The following CNTNAP5 variants were observed in gnomAD, a reference collection of about 807,000 sequenced individuals.
CNTNAP5 encodes contactin associated protein family member 5, also known as contactin-associated protein-like 5.
In CNTNAP5, 72 loss-of-function variants were observed where a neutral mutation model predicts 150.2. That is an observed-to-expected ratio of 0.48 (90% confidence interval 0.40 to 0.58). CNTNAP5 has a LOEUF of 0.58. Among genes scored for constraint, CNTNAP5 ranks in the 20% least tolerant of loss-of-function variants. CNTNAP5 has a pLI of 0.00. For missense variants in CNTNAP5, 1,636 were observed against 1,626.2 expected (o/e 1.01, Z -0.10); for synonymous variants, 672 against 619.8 (o/e 1.08, Z -1.25).
Position 124,534,741 on chromosome 2 carries a change from A to G in CNTNAP5, c.1649+7285A>G, listed in dbSNP as rs576115061. Among the ~76,000 whole-genome samples the G allele has an allele frequency of 1.3e-3, 200 of 152,256 alleles. 1 individual carries two copies. Among genetic ancestry groups the G allele is most frequent in the African/African-American group, 4.6e-3 (190 of 41,558 alleles). On this transcript the variant is annotated intron_variant, in intron 10 of 23. Transcript: ENST00000682447. The stretch of plus-strand genomic sequence containing the variant: ...ACAAAAAAAACAAAAAATGTAATGA[A>G]CAATGAGGATGAGCAGAGATCACTT...
Position 124,817,237 on chromosome 2 carries a change from T to C in CNTNAP5, c.3217+18917T>C, listed in dbSNP as rs547532548. Among the ~76,000 whole-genome samples the C allele has an allele frequency of 6.7e-4, 102 of 152,310 alleles. 2 individuals are homozygous for C. Among genetic ancestry groups the C allele is most frequent in the Admixed American group, 5.9e-3 (90 of 15,282 alleles). ...AAATTAATCTGTGCTCTTAGAATAA[T>C]GTTAACTTTGGAGGTAGGGAGAATG... is the stretch of plus-strand genomic sequence containing the variant. On this transcript the variant is annotated intron_variant, in intron 19 of 23. Transcript: ENST00000682447.
At chr2:124,399,090 C>T (rs1691339029) in intron 3 of CNTNAP5, among the ~76,000 whole-genome samples, 1 of 152,076 alleles carries the variant, frequency 6.6e-6, no homozygotes, top group Admixed American at 6.6e-5. Flanking sequence ...CTTCTTTATT[C>T]CATTATTCTT....
At chr2:124,451,094 A>ACT (rs1692969549) in intron 6 of CNTNAP5, among the ~76,000 whole-genome samples, 1 of 141,604 alleles carries the variant, frequency 7.1e-6, no homozygotes, top group Admixed American at 7.2e-5. Context: ...ACACACACAC[A>ACT]CACATAATGT....
intron 3 of CNTNAP5, among the ~76,000 whole-genome samples, chr2:124,292,839 A>G (rs758148249): frequency 1.2e-4 from 18 of 152,114 alleles, no homozygotes; most frequent in Non-Finnish European, 2.2e-4. Flanking sequence ...CGTGGTCTAC[A>G]AAGAAGCCGC....
At chr2:124,121,303 T>TTCA (rs1352278208) in intron 1 of CNTNAP5, among the ~76,000 whole-genome samples, 2 of 152,172 alleles carry the variant, frequency 1.3e-5, no homozygotes, top group Non-Finnish European at 2.9e-5. Flanking sequence ...TAAATCACAC[T>TTCA]TCATCAGTGC....
chr2:124,869,260 G>C (rs1006825463), intron 20 of CNTNAP5, among the ~76,000 whole-genome samples: 1 of 152,090 alleles, frequency 6.6e-6, no homozygotes, highest in Admixed American at 6.6e-5. Flanking sequence ...GACAGTGGTG[G>C]CCCTAAGGAC....
intron 3 of CNTNAP5, among the ~76,000 whole-genome samples, chr2:124,408,042 G>A (rs551300526): frequency 5.3e-4 from 81 of 152,324 alleles, no homozygotes; most frequent in African/African-American, 1.7e-3. Flanking sequence ...TACGCCAGCC[G>A]AAGCAGGGCG....
At chr2:124,464,088 G>A (rs77591392) in intron 6 of CNTNAP5, among the ~76,000 whole-genome samples, 3,298 of 152,216 alleles carry the variant, frequency 0.022, 73 homozygotes, top group South Asian at 0.053. Flanking sequence ...CTTTGAGAGA[G>A]TGCCCAGGGT....
At chr2:124,276,439 T>C (rs1268038288) in intron 3 of CNTNAP5, among the ~76,000 whole-genome samples, 1 of 152,220 alleles carries the variant, frequency 6.6e-6, no homozygotes, top group Non-Finnish European at 1.5e-5. Flanking sequence ...CTTCTCCTAG[T>C]TGGCATTTTT....
intron 10 of CNTNAP5, among the ~76,000 whole-genome samples, chr2:124,542,782 T>G (rs1344943810): frequency 1.3e-5 from 2 of 152,168 alleles, no homozygotes; most frequent in Non-Finnish European, 2.9e-5. Flanking sequence ...TACTGATGCA[T>G]TCAGCTGAGA....
chr2:124,353,286 C>CAAAAAAAAAAAAAA (rs565907115), intron 3 of CNTNAP5, among the ~76,000 whole-genome samples: 5 of 88,274 alleles, frequency 5.7e-5, no homozygotes, highest in East Asian at 4.0e-4. Flanking sequence ...AAAAACAGAC[C>CAAAAAAAAAAAAAA]AAAAAAAAAA....
chr2:124,742,134 T>C (rs1388076805), intron 13 of CNTNAP5, among the ~76,000 whole-genome samples: 3 of 152,134 alleles, frequency 2.0e-5, no homozygotes, highest in African/African-American at 7.2e-5. Context: ...TGTGTTGAAA[T>C]GACTGGGGGA....
chr2:124,426,191 C>T (rs549074899), intron 4 of CNTNAP5, among the ~76,000 whole-genome samples: 66 of 152,088 alleles, frequency 4.3e-4, no homozygotes, highest in African/African-American at 1.3e-3. Context: ...CTTCTTGAAA[C>T]GCATCCTGTT....
intron 3 of CNTNAP5, among the ~76,000 whole-genome samples, chr2:124,305,111 CAAAAAAA>C (rs57896748): frequency 1.4e-3 from 119 of 86,380 alleles, no homozygotes; most frequent in African/African-American, 5.0e-3. Flanking sequence ...ACAAAAAATA[CAAAAAAA>C]AAAAAAAAAA....
chr2:124,433,241 G>A (rs1363284001), intron 4 of CNTNAP5, among the ~76,000 whole-genome samples: 4 of 152,166 alleles, frequency 2.6e-5, no homozygotes, highest in East Asian at 1.9e-4. Flanking sequence ...GGGAGGGGAG[G>A]TGCTGAGAAA....
chr2:124,428,674 T>C (rs1199577566), intron 4 of CNTNAP5, among the ~76,000 whole-genome samples: 2 of 82,466 alleles, frequency 2.4e-5, no homozygotes, highest in Non-Finnish European at 5.3e-5. Context: ...GCAATCAGCA[T>C]TTTTTTTTTT....
intron 13 of CNTNAP5, among the ~76,000 whole-genome samples, chr2:124,681,233 C>T (rs1002450992): frequency 6.3e-5 from 9 of 143,458 alleles, no homozygotes; most frequent in East Asian, 6.1e-4. Flanking sequence ...ACCTGGAAGG[C>T]GGAGGTTGTA....
intron 8 of CNTNAP5, among the ~76,000 whole-genome samples, chr2:124,519,333 T>C (rs1163996269): frequency 6.6e-6 from 1 of 152,206 alleles, no homozygotes; most frequent in Non-Finnish European, 1.5e-5. Flanking sequence ...ATGACATATA[T>C]GGTATGTGAA....
chr2:124,723,386 C>T (rs1680088942), intron 13 of CNTNAP5, among the ~76,000 whole-genome samples: 1 of 152,146 alleles, frequency 6.6e-6, no homozygotes, highest in Admixed American at 6.6e-5. Flanking sequence ...TCAAAAATCG[C>T]ATTTAACATT....
Sources: gnomAD v4.1 joint callset for allele counts (sites outside exome capture counted in the v4.1 genomes callset) on GRCh38, gnomAD v4.1.1 for gene constraint, MANE v1.5 for transcripts, NCBI Gene and HGNC (gene_info 2026-07-23, HGNC 2026-07-21) for gene names.